KLF13: variants seen among roughly 807,000 people sequenced by gnomAD.
The protein encoded by KLF13 is KLF transcription factor 13, also known as Krueppel-like factor 13.
In KLF13, 8 loss-of-function variants were observed where a neutral mutation model predicts 16.7. That is an observed-to-expected ratio of 0.48 (90% CI 0.28 to 0.87). The LOEUF is 0.87. Among genes scored for constraint, KLF13 ranks in the 40% least tolerant of loss-of-function variants. The pLI is 0.10. For synonymous variants in KLF13, 245 were observed against 208.4 expected (o/e 1.18, Z -1.51); for missense variants, 447 against 452.2 (o/e 0.99, Z 0.10).
chr15:31,343,962 G>A lies in KLF13; in HGVS notation c.577+16173G>A, dbSNP rs575124618. Among the ~76,000 whole-genome samples the A allele has an allele frequency of 5.3e-5, 8 of 152,314 alleles. No individual in the cohort carries two copies. In the South Asian group the frequency reaches 1.4e-3, roughly 28 times the overall value. ...TGTTCAGTGTCCCTCCCTCTGAGAC[G>A]GCAGCAGAGACAGGAGAGCCACGCA... On this transcript the variant is annotated intron_variant, in intron 1 of 1. Transcript: ENST00000307145.
rs897506370 is a variant in KLF13, at chr15:31,418,283, A to G, written n.118-17087A>G. On this transcript the variant is annotated intron_variant and non_coding_transcript_variant, in intron 1 of 1. Coordinates refer to the KLF13 transcript ENST00000558225. ...ATAAAGGCTGAAAGAGCGATTATCT[A>G]TTTGAAGAAATTAGGAAAACAAAAT... 2.0e-5 allele frequency among the ~76,000 whole-genome samples: 3 copies of G among 152,200 alleles called. No individual in the cohort carries two copies. The South Asian group carries it at 6.2e-4, about 31-fold the overall frequency.
At chr15:31,390,144 C>T (rs1349607598), upstream of KLF13, among the ~76,000 whole-genome samples, 1 of 152,110 alleles carries the variant, frequency 6.6e-6, no homozygotes, top group African/African-American at 2.4e-5. Flanking sequence ...TCAAGACCTC[C>T]CCTGCCCTCT....
chr15:31,422,246 T>C lies in KLF13; in HGVS notation n.118-13124T>C, dbSNP rs548407710. ...ATATAGGCTGTGTATTAGTCCATTC[T>C]CACAGTGTTATGAAGAAATACCCAA... On this transcript the variant is annotated intron_variant and non_coding_transcript_variant, in intron 1 of 1. Coordinates refer to the KLF13 transcript ENST00000558225. 5.9e-5 allele frequency among the ~76,000 whole-genome samples: 9 copies of C among 152,244 alleles called. No individual in the cohort carries two copies. The South Asian group carries it at 1.5e-3, about 25-fold the overall frequency.
intron 2 of KLF13, among the ~76,000 whole-genome samples, chr15:31,397,354 G>C (rs2039967821): frequency 1.3e-5 from 2 of 152,224 alleles, no homozygotes; most frequent in South Asian, 4.1e-4. Context: ...GAATAATTAC[G>C]AGCCCAGAGA....
upstream of KLF13, among the ~76,000 whole-genome samples, chr15:31,390,923 G>A (rs1449274651): frequency 5.3e-5 from 8 of 151,658 alleles, no homozygotes; most frequent in Non-Finnish European, 8.8e-5. Flanking sequence ...GTCATGTCTG[G>A]TGGGAGCCTT....
In KLF13 at chr15:31,372,443, TAAAAAAACA is replaced by T. The variant is rs1222008965; in HGVS notation, c.*154_*162del. On this transcript the variant is annotated 3_prime_UTR_variant, in exon 2 of 2. Transcript: ENST00000307145. Reference sequence around the variant, plus strand: ...ACCTCAGGTGTCAAAGTAAATTTGTTAAAAAAACAAAAAAAACACAAAAATTTCAAAAAA... The same window carrying T: ...ACCTCAGGTGTCAAAGTAAATTTGTTAAAAAAACACAAAAATTTCAAAAAA... 3.1e-6 allele frequency: 3 copies of T among 962,632 alleles called. No homozygotes were observed. Among genetic ancestry groups the T allele is most frequent in the Non-Finnish European group, 4.2e-6 (3 of 707,830 alleles). 59.6% of individuals were successfully genotyped at this position (962,632 alleles called of 1,614,324 possible).
At position 31,327,228 on chromosome 15, in the gene KLF13, T is replaced by C. The variant is rs2038726244; in HGVS notation, c.16T>C (p.Tyr6His). 7.4e-7 allele frequency: 1 copy of C among 1,355,906 alleles called. No individual in the cohort carries two copies. Among genetic ancestry groups the C allele is most frequent in the Non-Finnish European group, 9.5e-7 (1 of 1,051,536 alleles). 84.0% of individuals were successfully genotyped at this position (1,355,906 alleles called of 1,614,324 possible). A position where few individuals can be genotyped will look rare whatever the true frequency, so the allele number is the denominator to read the frequency against. ...AGCCCGCAGCATGGCAGCCGCCGCC[T>C]ATGTGGACCACTTCGCCGCCGAGTG... MAAAA[Y>H]VDHFAAECLV... Residue 6 changes from tyrosine (Y) to histidine (H), a missense_variant, in exon 1 of 2, where the codon TAT (tyrosine) becomes CAT (histidine). Tyr to His is a moderately conservative substitution (Grantham distance 83). Around this residue, in one of 2 missense-constraint regions of KLF13, gnomAD observed 359 missense variants for 282.8 expected, o/e 1.27. Coordinates refer to ENST00000307145, the MANE Select transcript of KLF13 (RefSeq NM_015995.4).
intron 1 of KLF13, chr15:31,393,503 A>G: frequency 7.4e-6 from 1 of 135,478 alleles, no homozygotes; most frequent in Non-Finnish European, 1.5e-5. Flanking sequence ...CCGGCCATCC[A>G]GCCCCATCCC....
At chr15:31,390,195 T>TGGGA (rs2039843495), upstream of KLF13, among the ~76,000 whole-genome samples, 1 of 152,130 alleles carries the variant, frequency 6.6e-6, no homozygotes, top group South Asian at 2.1e-4. Context: ...TGTCCCTGAG[T>TGGGA]GGGAGCACAG....
chr15:31,425,883 GA>G (rs1247613094), intron 1 of KLF13, among the ~76,000 whole-genome samples: 1 of 151,884 alleles, frequency 6.6e-6, no homozygotes, highest in Non-Finnish European at 1.5e-5. Flanking sequence ...GTCTCAAAAA[GA>G]AAAAAAATCT....
At chr15:31,386,104 G>C (rs963517114) in intron 1 of KLF13, among the ~76,000 whole-genome samples, 3 of 152,228 alleles carry the variant, frequency 2.0e-5, no homozygotes, top group African/African-American at 7.2e-5. Flanking sequence ...TCAGAGCAAG[G>C]TCCCTAACTT....
intron 1 of KLF13, among the ~76,000 whole-genome samples, chr15:31,338,051 G>A (rs1686328969): frequency 6.6e-6 from 1 of 152,232 alleles, no homozygotes; most frequent in Admixed American, 6.5e-5. Context: ...GAGTCTTACA[G>A]GAAATACAGC....
downstream of KLF13, among the ~76,000 whole-genome samples, chr15:31,405,238 C>T (rs778757064): frequency 9.2e-5 from 14 of 152,070 alleles, no homozygotes; most frequent in East Asian, 9.7e-4. Context: ...TGCATGAAGC[C>T]GGGAGGCAGC....
chr15:31,372,707 C>G lies in KLF13; in HGVS notation c.*408C>G, dbSNP rs1595480801. 1 of 173,222 alleles carries G rather than the reference C, an allele frequency of 5.8e-6. No individual in the cohort carries two copies. The highest frequency in any genetic ancestry group is 2.6e-3 in the Middle Eastern group (1 of 382). 10.7% of individuals were successfully genotyped at this position (173,222 alleles called of 1,614,324 possible). On this transcript the variant is annotated 3_prime_UTR_variant, in exon 2 of 2. Transcript: ENST00000307145. Reference sequence around the variant, plus strand: ...TGGAGCTCAGCGTCTGGCTGGCTGGCCAGCCTGTGGGTCTGTTGGGAGCAG... The same window carrying G: ...TGGAGCTCAGCGTCTGGCTGGCTGGGCAGCCTGTGGGTCTGTTGGGAGCAG...
chr15:31,423,858 G>A (rs2040372415), intron 1 of KLF13, among the ~76,000 whole-genome samples: 1 of 152,094 alleles, frequency 6.6e-6, no homozygotes, highest in Non-Finnish European at 1.5e-5. Flanking sequence ...ATAGCAAAAG[G>A]AAAACGGGTA....
At chr15:31,369,835 C>T (rs1192354707) in intron 1 of KLF13, among the ~76,000 whole-genome samples, 2 of 152,174 alleles carry the variant, frequency 1.3e-5, no homozygotes, top group Admixed American at 6.5e-5. Context: ...TCCAGTGTGA[C>T]TTAGGAAAAG....
chr15:31,344,463 T>G (rs563942810), intron 1 of KLF13, among the ~76,000 whole-genome samples: 1 of 152,160 alleles, frequency 6.6e-6, no homozygotes, highest in Non-Finnish European at 1.5e-5. Context: ...TTTGCCAAGC[T>G]TGGCTCCTCA....
At chr15:31,380,020 G>C (rs183872949), downstream of KLF13, among the ~76,000 whole-genome samples, 28 of 152,276 alleles carry the variant, frequency 1.8e-4, no homozygotes, top group African/African-American at 6.5e-4. Flanking sequence ...ACTTCTGGCC[G>C]CGCGCAGTGG....
chr15:31,378,115 T>C (rs1392043312), downstream of KLF13, among the ~76,000 whole-genome samples: 2 of 152,106 alleles, frequency 1.3e-5, no homozygotes, highest in East Asian at 3.8e-4. Flanking sequence ...GGGAAGCTAT[T>C]TCAGCTCTTC....
Sources: allele counts gnomAD v4.1 joint callset (sites outside exome capture counted in the v4.1 genomes callset), GRCh38; gene constraint gnomAD v4.1.1; regional missense constraint gnomAD v4.1.1; transcripts MANE v1.5; gene names NCBI Gene and HGNC (gene_info 2026-07-23, HGNC 2026-07-21).